The following EDNRA variants were observed in gnomAD, a reference collection of about 807,000 sequenced individuals.
EDNRA encodes the protein endothelin receptor type A, also known as endothelin-1 receptor.
EDNRA carries 11 observed loss-of-function variants against 41.4 expected under a neutral mutation model. The ratio of observed to expected loss-of-function variants is 0.27; its 90% CI spans 0.17 to 0.44. The LOEUF (loss-of-function observed/expected upper bound fraction) is 0.44. Ranked by LOEUF, EDNRA falls within the 20% of genes least tolerant of loss-of-function variation. EDNRA has a pLI of 1.00. For missense variants in EDNRA, 294 were observed against 531.0 expected (o/e 0.55, Z 4.39); for synonymous variants, 172 against 183.0 (o/e 0.94, Z 0.49).
intron 2 of EDNRA, among the ~76,000 whole-genome samples, chr4:147,500,943 G>A (rs17474816): frequency 0.4 from 61,011 of 152,036 alleles, 13,577 homozygotes; most frequent in African/African-American, 0.61. Context: ...TGACCTATTC[G>A]TGATTTTTGC....
Position 147,519,813 on chromosome 4 carries a change from G to C in EDNRA, c.421-38G>C. The stretch of plus-strand genomic sequence containing the variant: ...GTAAGTGCCCACATGCTCCGTGCCA[G>C]CTCTACCATTTCTTACCACTGTGTC... On this transcript the variant is annotated intron_variant, in intron 2 of 7. Coordinates refer to ENST00000651419, the MANE Select transcript of EDNRA (RefSeq NM_001957.4). The surrounding 1 kb of genome is among the most constrained non-coding windows in gnomAD (Gnocchi z 4.1). 1 of 1,608,004 alleles carries C rather than the reference G, an allele frequency of 6.2e-7. No homozygotes were observed. The highest frequency in any genetic ancestry group is 8.5e-7 in the Non-Finnish European group (1 of 1,176,832).
At chr4:147,484,958 T>C (rs10305861) in intron 1 of EDNRA, among the ~76,000 whole-genome samples, 47 of 152,370 alleles carry the variant, frequency 3.1e-4, no homozygotes, top group African/African-American at 1.1e-3. Flanking sequence ...TGTGCTGCAC[T>C]TCATCCCTAT....
At chr4:147,538,200 G>T (rs1366921500) in intron 5 of EDNRA, among the ~76,000 whole-genome samples, 1 of 152,126 alleles carries the variant, frequency 6.6e-6, no homozygotes, top group Non-Finnish European at 1.5e-5. Flanking sequence ...AGTCTCAGGA[G>T]ACTGTAGCAG....
chr4:147,536,895 T>C (rs1351190886), intron 5 of EDNRA, among the ~76,000 whole-genome samples: 1 of 152,210 alleles, frequency 6.6e-6, no homozygotes. Context: ...TCTGAACTTC[T>C]AGTTTCTCAT....
At position 147,517,547 on chromosome 4, in the gene EDNRA, A is replaced by G. The variant is rs180820706; in HGVS notation, c.421-2304A>G. On this transcript the variant is annotated intron_variant, in intron 2 of 7. Transcript: ENST00000651419. ...CTACCCATACATCCTTTCAGAATGAAGGACATACAAGTTAGGGAAGTCTAC... is the reference window on the plus strand; with the variant it reads ...CTACCCATACATCCTTTCAGAATGAGGGACATACAAGTTAGGGAAGTCTAC... Among the ~76,000 whole-genome samples, 135 of 152,348 alleles carry G rather than the reference A, an allele frequency of 8.9e-4. 3 individuals are homozygous for G. The highest frequency in any genetic ancestry group is 8.8e-3 in the Admixed American group (135 of 15,306).
At chr4:147,524,537 A>T (rs888427557) in intron 3 of EDNRA, among the ~76,000 whole-genome samples, 1 of 152,146 alleles carries the variant, frequency 6.6e-6, no homozygotes, top group Non-Finnish European at 1.5e-5. Flanking sequence ...AAAAGAAAAA[A>T]AAGAAAAGAA....
chr4:147,534,109 C>A (rs1470646766), intron 4 of EDNRA, among the ~76,000 whole-genome samples: 1 of 152,130 alleles, frequency 6.6e-6, no homozygotes, highest in Non-Finnish European at 1.5e-5. Flanking sequence ...CTCTGTGGGC[C>A]TTTGCCATGG....
At chr4:147,536,489 T>C (rs1156874555) in intron 5 of EDNRA, among the ~76,000 whole-genome samples, 1 of 152,124 alleles carries the variant, frequency 6.6e-6, no homozygotes, top group Non-Finnish European at 1.5e-5. Flanking sequence ...GATAGAGTCA[T>C]GGGGAAGCTG....
intron 2 of EDNRA, chr4:147,490,094 A>G (rs914493286): frequency 2.0e-5 from 3 of 152,048 alleles, no homozygotes. Flanking sequence ...TGCATCTAAC[A>G]GAAATAACCC....
chr4:147,497,828 T>TC (rs1294570523), intron 2 of EDNRA, among the ~76,000 whole-genome samples: 1 of 151,892 alleles, frequency 6.6e-6, no homozygotes, highest in African/African-American at 2.4e-5. Flanking sequence ...CACCTCGGCC[T>TC]CCAAAGTGCT....
chr4:147,527,716 G>A (rs755478932), intron 3 of EDNRA, among the ~76,000 whole-genome samples: 2 of 152,064 alleles, frequency 1.3e-5, no homozygotes, highest in Non-Finnish European at 2.9e-5. Context: ...ATAGGCACAC[G>A]CACTAACAAA....
chr4:147,502,521 A>C (rs1404405172), intron 2 of EDNRA, among the ~76,000 whole-genome samples: 1 of 152,252 alleles, frequency 6.6e-6, no homozygotes, highest in Non-Finnish European at 1.5e-5. Context: ...GGTTGAAACC[A>C]AGATAAGCCT....
At chr4:147,532,372 G>T in intron 3 of EDNRA, 134 bp from the exon 4 acceptor site, 2 of 397,928 alleles carry the variant, frequency 5.0e-6, no homozygotes, top group Non-Finnish European at 8.8e-6. Flanking sequence ...TTCATACCAA[G>T]ACTCAGAAAA....
chr4:147,532,680 C>T lies in EDNRA; in HGVS notation c.723C>T (p.Leu241=). The change falls in exon 4 of 8, where the codon CTC becomes CTT. Residue 241 remains leucine (L), a synonymous_variant. Coordinates refer to ENST00000651419, the MANE Select transcript of EDNRA (RefSeq NM_001957.4). ...YRGEQHKTCM[L]NATSKFMEFY... is the part of the protein sequence containing the mutation. ...GTGAACAGCATAAAACCTGTATGCT[C>T]AATGCCACATCAAAATTCATGGAGG... 6.2e-7 allele frequency: 1 copy of T among 1,614,042 alleles called. No homozygotes were observed. The highest frequency in any genetic ancestry group is 8.5e-7 in the Non-Finnish European group (1 of 1,180,010).
Position 147,536,146 on chromosome 4 carries a change from C to T in EDNRA, c.900+117C>T, listed in dbSNP as rs111994730. 2.5e-4 allele frequency: 303 copies of T among 1,213,158 alleles called. 2 individuals carry two copies. In the African/African-American group the frequency reaches 4.2e-3, roughly 17 times the overall value. The allele number at this position is 1,213,158 out of a possible 1,614,324, so 75.1% of individuals were successfully genotyped here. A position where few individuals can be genotyped will look rare whatever the true frequency, so the allele number is the denominator to read the frequency against. ...TGATTTCCTAAAATAAAAATACTATCCTGTAACTGTTTTCTTTATAGTAAT... is the reference window on the plus strand; with the variant it reads ...TGATTTCCTAAAATAAAAATACTATTCTGTAACTGTTTTCTTTATAGTAAT... On this transcript the variant is annotated intron_variant, in intron 5 of 7. Coordinates refer to ENST00000651419, the MANE Select transcript of EDNRA (RefSeq NM_001957.4).
intron 3 of EDNRA, among the ~76,000 whole-genome samples, chr4:147,523,517 G>A (rs1730414119): frequency 6.9e-6 from 1 of 144,646 alleles, no homozygotes; most frequent in African/African-American, 2.7e-5. Context: ...TTGAGATGGA[G>A]TCTTGCTCTG....
rs745396045 is a variant in EDNRA at position 147,535,878 on chromosome 4, T to C, written c.749T>C (p.Phe250Ser). ...MLNATSKFME[F>S]YQDVKDWWLF... The stretch of plus-strand genomic sequence containing the variant: ...CTTTTTTTTTTTTTCACTTTGAAGT[T>C]CTACCAAGATGTAAAGGACTGGTGG... Residue 250 changes from phenylalanine to serine, a missense_variant and splice_region_variant, in exon 5 of 8, where the codon TTC becomes TCC. Transcript: ENST00000651419. The C allele has an allele frequency of 6.2e-7, 1 of 1,612,040 alleles. No homozygotes were observed. Among genetic ancestry groups the C allele is most frequent in the Admixed American group, 1.7e-5 (1 of 59,654 alleles).
At chr4:147,528,994 C>T (rs1037157816) in intron 3 of EDNRA, among the ~76,000 whole-genome samples, 8 of 152,096 alleles carry the variant, frequency 5.3e-5, no homozygotes, top group Non-Finnish European at 5.9e-5. Flanking sequence ...TATGTTCAGA[C>T]GAGGCTGTGG....
In EDNRA at chr4:147,543,998, A is replaced by G. The variant is rs192560387; in HGVS notation, c.*1380A>G. ...ATCTTTTACTAGTGTGTGTGTGTATATATATAAACAATTGTAAATTTCTTT... is the reference window on the plus strand; with the variant it reads ...ATCTTTTACTAGTGTGTGTGTGTATGTATATAAACAATTGTAAATTTCTTT... On this transcript the variant is annotated 3_prime_UTR_variant, in exon 8 of 8. Transcript: ENST00000651419. 9 of 152,634 alleles carry G rather than the reference A, an allele frequency of 5.9e-5. No individual in the cohort carries two copies. Among genetic ancestry groups the G allele is most frequent in the African/African-American group, 1.7e-4 (7 of 41,522 alleles). The allele number at this position is 152,634 out of a possible 1,614,324, so 9.5% of individuals were successfully genotyped here.
Sources: allele counts gnomAD v4.1 joint callset (sites outside exome capture counted in the v4.1 genomes callset), GRCh38; gene constraint gnomAD v4.1.1; non-coding constraint Gnocchi (gnomAD v3.1); transcripts MANE v1.5; gene names NCBI Gene and HGNC (gene_info 2026-07-23, HGNC 2026-07-21).